The following ARHGEF10 variants were observed in gnomAD, a reference collection of about 807,000 sequenced individuals.
The protein encoded by ARHGEF10 is Rho guanine nucleotide exchange factor 10, also known as Rho guanine nucleotide exchange factor (GEF) 10.
A neutral mutation model predicts 147.4 loss-of-function variants in ARHGEF10; 140 were observed. The observed-to-expected ratio is 0.95, with a 90% CI of 0.83 to 1.09. The LOEUF is 1.09. Among genes scored for constraint, ARHGEF10 ranks in the 50% least tolerant of loss-of-function variants. The pLI is 0.00. For missense variants in ARHGEF10, 2,222 were observed against 1,752.7 expected (o/e 1.27, Z -4.78); for synonymous variants, 902 against 695.8 (o/e 1.30, Z -4.67).
At chr8:1,891,013 T>G (rs971914888) in intron 11 of ARHGEF10, among the ~76,000 whole-genome samples, 1 of 152,152 alleles carries the variant, frequency 6.6e-6, no homozygotes, top group Non-Finnish European at 1.5e-5. Context: ...ATTTCTGAAG[T>G]TCAGTTTTCC....
chr8:1,834,217 G>A (rs1489556191), intron 1 of ARHGEF10, among the ~76,000 whole-genome samples: 1 of 152,248 alleles, frequency 6.6e-6, no homozygotes, highest in Non-Finnish European at 1.5e-5. Context: ...CCTGCTTGGG[G>A]CCCAGGCGGG....
At chr8:1,901,774 C>CT (rs1217749578) in intron 15 of ARHGEF10, among the ~76,000 whole-genome samples, 6 of 152,140 alleles carry the variant, frequency 3.9e-5, no homozygotes, top group Non-Finnish European at 7.3e-5. Flanking sequence ...TAAGATTGTT[C>CT]TTTTTTGCCT....
At chr8:1,907,826 C>T (rs920490759) in intron 17 of ARHGEF10, among the ~76,000 whole-genome samples, 125 of 152,218 alleles carry the variant, frequency 8.2e-4, no homozygotes, top group African/African-American at 2.9e-3. Context: ...CGACAGTGCC[C>T]GAAGGTGATG....
intron 26 of ARHGEF10, among the ~76,000 whole-genome samples, chr8:1,942,947 G>C (rs998110127): frequency 6.6e-6 from 1 of 152,322 alleles, no homozygotes; most frequent in South Asian, 2.1e-4. Context: ...GGGCATAAGG[G>C]TGATAAAATG....
chr8:1,914,683 G>A (rs933448452), intron 18 of ARHGEF10, among the ~76,000 whole-genome samples: 10 of 152,246 alleles, frequency 6.6e-5, no homozygotes, highest in African/African-American at 2.4e-4. Flanking sequence ...ATTGCTGTGG[G>A]AAGGGCTGCT....
At position 1,945,551 on chromosome 8, in the gene ARHGEF10, G is replaced by A; in HGVS notation, c.3293G>A (p.Trp1098Ter). Residue 1098 changes from tryptophan (W) to a stop codon, truncating the protein, a stop_gained, in exon 27 of 29, where the codon TGG (tryptophan) becomes TAG (stop). Transcript: ENST00000349830. LOFTEE classifies it high-confidence loss of function. ...SHMAVSGVGI[W>*]IAFTSGSTLR... Reference sequence around the variant, plus strand: ...ATGGCCGTGTCCGGCGTCGGGATCTGGATTGCCTTCACCTCAGGGTCCACG... The same window carrying A: ...ATGGCCGTGTCCGGCGTCGGGATCTAGATTGCCTTCACCTCAGGGTCCACG... 1 of 1,614,232 alleles carries A rather than the reference G, an allele frequency of 6.2e-7. No homozygotes were observed. The highest frequency in any genetic ancestry group is 8.5e-7 in the Non-Finnish European group (1 of 1,180,048).
intron 25 of ARHGEF10, among the ~76,000 whole-genome samples, chr8:1,931,778 G>A (rs889652805): frequency 1.6e-5 from 2 of 128,866 alleles, no homozygotes; most frequent in Non-Finnish European, 3.2e-5. Context: ...CGTCATTAGC[G>A]TGTGCCTGGT....
At chr8:1,850,382 ATG>A (rs1346788453) in intron 2 of ARHGEF10, among the ~76,000 whole-genome samples, 2 of 143,420 alleles carry the variant, frequency 1.4e-5, no homozygotes, top group South Asian at 4.4e-4. Flanking sequence ...CCGCGTGGGC[ATG>A]GACGGCAAAT....
chr8:1,921,877 C>T (rs1254373279), intron 18 of ARHGEF10, among the ~76,000 whole-genome samples: 1 of 152,212 alleles, frequency 6.6e-6, no homozygotes, highest in Non-Finnish European at 1.5e-5. Context: ...ACACAAGGCA[C>T]TTTACTCAAC....
At chr8:1,837,155 A>T (rs1019927793) in intron 1 of ARHGEF10, among the ~76,000 whole-genome samples, 1 of 152,216 alleles carries the variant, frequency 6.6e-6, no homozygotes, top group Non-Finnish European at 1.5e-5. Flanking sequence ...TCTGCCTGAG[A>T]CTTGTGTATG....
At chr8:1,888,175 G>GAGTGTGGTGAGGGTTGCGAGGAGACACTT in intron 11 of ARHGEF10, among the ~76,000 whole-genome samples, 1 of 28,864 alleles carries the variant, frequency 3.5e-5, no homozygotes, top group African/African-American at 2.3e-4. Flanking sequence ...AGGAGACAGT[G>GAGTGTGGTGAGGGTTGCGAGGAGACACTT]AGTGGGGTGA....
chr8:1,842,096 A>C (rs889326195), intron 1 of ARHGEF10, among the ~76,000 whole-genome samples: 2 of 150,226 alleles, frequency 1.3e-5, no homozygotes, highest in African/African-American at 4.9e-5. Flanking sequence ...CGAGGCGCCG[A>C]ACCACGAGGC....
intron 11 of ARHGEF10, among the ~76,000 whole-genome samples, chr8:1,891,780 A>C (rs1284242465): frequency 6.6e-6 from 1 of 152,028 alleles, no homozygotes; most frequent in Non-Finnish European, 1.5e-5. Context: ...GTGGGCATAT[A>C]ATTTGACGTG....
At chr8:1,945,919 G>GCTGGGAGGAGCCGCGTGCTGGGAGGAGCC (rs71211527) in intron 27 of ARHGEF10, 2 of 615,716 alleles carry the variant, frequency 3.2e-6, no homozygotes, top group African/African-American at 3.7e-5. Flanking sequence ...GGAGCCGCGT[G>GCTGGGAGGAGCCGCGTGCTGGGAGGAGCC]GCAGTGCCAT....
intron 27 of ARHGEF10, among the ~76,000 whole-genome samples, chr8:1,947,266 G>T (rs921988265): frequency 6.6e-6 from 1 of 152,154 alleles, no homozygotes; most frequent in Non-Finnish European, 1.5e-5. Context: ...TCGACCTCCC[G>T]TGGGCTCCAG....
chr8:1,888,869 GGGGTGAGAGTTATGAGGAGACACTGAGTT>G (rs371302872), intron 11 of ARHGEF10, among the ~76,000 whole-genome samples: 32 of 91,736 alleles, frequency 3.5e-4, no homozygotes, highest in African/African-American at 1.3e-3. Flanking sequence ...GACACTGAGT[GGGGTGAGAGTTATGAGGAGACACTGAGTT>G]GGGTGAGGGT....
chr8:1,903,380 A>G lies in ARHGEF10; in HGVS notation c.1750A>G (p.Lys584Glu). 1 of 1,614,218 alleles carries G rather than the reference A, an allele frequency of 6.2e-7. No homozygotes were observed. Among genetic ancestry groups the G allele is most frequent in the South Asian group, 1.1e-5 (1 of 91,080 alleles). The change falls in exon 16 of 29, where the codon AAG (lysine) becomes GAG (glutamate). Residue 584 changes from lysine to glutamate, a missense_variant. Coordinates refer to ENST00000349830, the MANE Select transcript of ARHGEF10 (RefSeq NM_014629.4). Reference sequence around the variant, plus strand: ...ACTAGCAGAGAAGTTAAATGAAAGAAAGAGAGATGCTGATCAACGCTGTGA... The same window carrying G: ...ACTAGCAGAGAAGTTAAATGAAAGAGAGAGAGATGCTGATCAACGCTGTGA... ...ETLAEKLNER[K>E]RDADQRCEVK...
chr8:1,859,923 A>G lies in ARHGEF10; in HGVS notation c.220A>G (p.Thr74Ala). Residue 74 changes from threonine to alanine, a missense_variant, in exon 4 of 29, where the codon ACC becomes GCC. Coordinates refer to ENST00000349830, the MANE Select transcript of ARHGEF10 (RefSeq NM_014629.4). ...TGGEDGAGAE[T>A]TPVAEPTKLV... ...AGGTGAGGATGGAGCTGGAGCAGAAACCACCCCAGTGGCAGAGCCTACTAA... is the reference window on the plus strand; with the variant it reads ...AGGTGAGGATGGAGCTGGAGCAGAAGCCACCCCAGTGGCAGAGCCTACTAA... 2 of 1,614,082 alleles carry G rather than the reference A, an allele frequency of 1.2e-6. No individual in the cohort carries two copies. The highest frequency in any genetic ancestry group is 1.7e-6 in the Non-Finnish European group (2 of 1,179,998).
intron 2 of ARHGEF10, among the ~76,000 whole-genome samples, chr8:1,850,594 G>A (rs1020730808): frequency 2.0e-5 from 3 of 148,326 alleles, no homozygotes; most frequent in East Asian, 2.0e-4. Context: ...GGGTGCTGGC[G>A]GGTGGCTAGA....
Sources: allele counts gnomAD v4.1 joint callset (sites outside exome capture counted in the v4.1 genomes callset), GRCh38; gene constraint gnomAD v4.1.1; transcripts MANE v1.5; gene names NCBI Gene and HGNC (gene_info 2026-07-23, HGNC 2026-07-21).